BCLAF3: variants seen among roughly 807,000 people sequenced by gnomAD.
BCLAF3 encodes BCLAF1 and THRAP3 family member 3.
A neutral mutation model predicts 51.2 loss-of-function variants in BCLAF3; 24 were observed. The ratio of observed to expected loss-of-function variants is 0.47; its 90% CI spans 0.34 to 0.66. BCLAF3 has a LOEUF of 0.66. Among genes scored for constraint, BCLAF3 ranks in the 30% least tolerant of loss-of-function variants. BCLAF3 has a pLI of 0.01. For synonymous variants in BCLAF3, 152 were observed against 176.6 expected (o/e 0.86, Z 1.10); for missense variants, 465 against 525.1 (o/e 0.89, Z 1.12).
Position 19,966,219 on chromosome X carries a change from A to G in BCLAF3, c.472T>C (p.Ser158Pro). The G allele has an allele frequency of 8.3e-7, 1 of 1,211,019 alleles. No homozygotes were observed. ...SGKGGKPPQR[S>P]IADSFRFEGK... is the part of the protein sequence containing the mutation. The stretch of plus-strand genomic sequence containing the variant: ...TCAAATCTAAAAGAATCTGCTATTG[A>G]CCTCTGAGGTGGTTTCCCTCCTTTT... The change falls in exon 3 of 12, where the codon TCA becomes CCA. Residue 158 changes from serine to proline, a missense_variant. Transcript: ENST00000379682.
chrX:19,919,840 G>C (rs975866513), intron 11 of BCLAF3, among the ~76,000 whole-genome samples: 1 of 90,698 alleles, frequency 1.1e-5, no homozygotes, highest in African/African-American at 4.2e-5. Flanking sequence ...CTGGATGACA[G>C]AGTGAGACTT....
intron 10 of BCLAF3, among the ~76,000 whole-genome samples, chrX:19,931,740 A>G (rs930642611): frequency 1.8e-5 from 2 of 112,247 alleles, no homozygotes; most frequent in Non-Finnish European, 3.8e-5. Context: ...AACAAAATTC[A>G]TACCTAACAT....
chrX:19,948,920 A>G (rs1292792775), intron 8 of BCLAF3, among the ~76,000 whole-genome samples: 2 of 111,019 alleles, frequency 1.8e-5, no homozygotes, highest in Middle Eastern at 4.2e-3. Flanking sequence ...TAGAGGGTTT[A>G]CTTCTGGGGT....
intron 11 of BCLAF3, among the ~76,000 whole-genome samples, chrX:19,924,644 A>G (rs1168273239): frequency 1.8e-5 from 2 of 110,923 alleles, no homozygotes; most frequent in Admixed American, 9.6e-5. Context: ...TTCCTTTCCT[A>G]TCCCTGGACA....
At position 19,914,535 on chromosome X, in the gene BCLAF3, A is replaced by G. The variant is rs1480534782; in HGVS notation, c.*2770T>C. On this transcript the variant is annotated 3_prime_UTR_variant, in exon 12 of 12. Coordinates refer to ENST00000379682, the MANE Select transcript of BCLAF3 (RefSeq NM_001367774.2). ...AAAAAAAACTATTCAAAAATGTAGG[A>G]TTTATTAGGTAAAATGTGGTACATA... The G allele has an allele frequency of 9.0e-6, 1 of 110,713 alleles. No individual in the cohort carries two copies. Among genetic ancestry groups the G allele is most frequent in the African/African-American group, 3.3e-5 (1 of 30,465 alleles). The allele number at this position is 110,713 out of a possible 1,213,427, so 9.1% of individuals were successfully genotyped here.
Position 19,955,535 on chromosome X carries a change from T to A in BCLAF3, c.1306A>T (p.Met436Leu). The change falls in exon 5 of 12, where the codon ATG becomes TTG. Residue 436 changes from methionine to leucine, a missense_variant. Physicochemically the swap from Met to Leu is conservative, Grantham distance 15. Transcript: ENST00000379682. ...VASSYSTERQ[M>L]SHDLVAVGRK... ...CCAACAGCAACCAAATCATGTGACA[T>A]CTGTCTCTCTGTGGAATAGCTAGAA... 8.3e-7 allele frequency: 1 copy of A among 1,199,140 alleles called. No homozygotes were observed.
chrX:19,919,768 A>G (rs776590875), intron 11 of BCLAF3, among the ~76,000 whole-genome samples: 21 of 106,182 alleles, frequency 2.0e-4, no homozygotes, highest in Non-Finnish European at 3.5e-4. Flanking sequence ...AAGACAGGAG[A>G]ATCGCTTGAG....
Position 19,949,657 on chromosome X carries a change from G to A in BCLAF3, c.1745+1096C>T, listed in dbSNP as rs951058909. Among the ~76,000 whole-genome samples the A allele has an allele frequency of 8.9e-5, 10 of 111,847 alleles. No individual in the cohort carries two copies. The East Asian group carries it at 1.4e-3, about 16-fold the overall frequency. On this transcript the variant is annotated intron_variant, in intron 8 of 11. Transcript: ENST00000379682. ...ATTGTTTTATATACCTCAACACATCGTTTCACTATGTTTTAATTAGTTCTG... is the reference window on the plus strand; with the variant it reads ...ATTGTTTTATATACCTCAACACATCATTTCACTATGTTTTAATTAGTTCTG...
intron 11 of BCLAF3, among the ~76,000 whole-genome samples, chrX:19,926,112 A>T (rs899742404): frequency 8.9e-6 from 1 of 111,780 alleles, no homozygotes; most frequent in Admixed American, 9.6e-5. Flanking sequence ...AAGTGGCTGC[A>T]ATAGAAAGAT....
intron 3 of BCLAF3, 119 bp downstream of exon 3, chrX:19,965,961 A>G: frequency 2.8e-6 from 2 of 710,165 alleles, no homozygotes; most frequent in East Asian, 3.2e-5. Flanking sequence ...TTAAATTACA[A>G]TGCTTTTTGT....
In BCLAF3 at chrX:19,914,853, G is replaced by A. The variant is rs1342515194; in HGVS notation, c.*2452C>T. On this transcript the variant is annotated 3_prime_UTR_variant, in exon 12 of 12. Coordinates refer to ENST00000379682, the MANE Select transcript of BCLAF3 (RefSeq NM_001367774.2). ...CCTTCTGAGGTTGGTGAAACCAATAGGAAAGAAACATGACGAGGGGATGCT... is the reference window on the plus strand; with the variant it reads ...CCTTCTGAGGTTGGTGAAACCAATAAGAAAGAAACATGACGAGGGGATGCT... 4 of 111,966 alleles carry A rather than the reference G, an allele frequency of 3.6e-5. No individual in the cohort carries two copies. Among genetic ancestry groups the A allele is most frequent in the South Asian group, 3.7e-4 (1 of 2,712 alleles). 9.2% of individuals were successfully genotyped at this position (111,966 alleles called of 1,213,427 possible). A position where few individuals can be genotyped will look rare whatever the true frequency, so the allele number is the denominator to read the frequency against.
intron 1 of BCLAF3, among the ~76,000 whole-genome samples, chrX:19,982,585 G>A (rs867125199): frequency 6.6e-4 from 52 of 79,272 alleles, no homozygotes; most frequent in Admixed American, 2.6e-3. Context: ...ACACACACAC[G>A]CACACACACA....
chrX:19,964,188 C>G (rs752975414), intron 4 of BCLAF3, among the ~76,000 whole-genome samples: 1 of 111,510 alleles, frequency 9.0e-6, no homozygotes, highest in East Asian at 2.8e-4. Context: ...CATGGCCCCC[C>G]CCTTTTTCAT....
Position 19,913,869 on chromosome X carries a change from A to C in BCLAF3, c.*3436T>G, listed in dbSNP as rs1183920073. On this transcript the variant is annotated 3_prime_UTR_variant, in exon 12 of 12. Transcript: ENST00000379682. ...TGTCTGAATTTGTCAATGTACATTA[A>C]TTTTTCTTTGTCAAGATTTATAACA... is the stretch of plus-strand genomic sequence containing the variant. The C allele has an allele frequency of 9.0e-6, 1 of 111,695 alleles. No individual in the cohort carries two copies. The highest frequency in any genetic ancestry group is 1.9e-5 in the Non-Finnish European group (1 of 53,117). The allele number at this position is 111,695 out of a possible 1,213,427, so 9.2% of individuals were successfully genotyped here. A position where few individuals can be genotyped will look rare whatever the true frequency, so the allele number is the denominator to read the frequency against.
In BCLAF3 at chrX:19,966,464, T is replaced by C. The variant is rs375368833; in HGVS notation, c.227A>G (p.His76Arg). Residue 76 changes from histidine to arginine, a missense_variant, in exon 3 of 12, where the codon CAT (histidine) becomes CGT (arginine). His to Arg is a conservative substitution (Grantham distance 29). Coordinates refer to ENST00000379682, the MANE Select transcript of BCLAF3 (RefSeq NM_001367774.2). ...TCTTATGTTAGGGGAAGGTGATCTA[T>C]GTTCATAAGACTGGTAATATATATT... ...RGNIYYQSYE[H>R]RSPSPNIRNS... 8 of 1,209,689 alleles carry C rather than the reference T, an allele frequency of 6.6e-6. No homozygotes were observed. The highest frequency in any genetic ancestry group is 8.9e-6 in the Non-Finnish European group (8 of 895,063).
intron 8 of BCLAF3, among the ~76,000 whole-genome samples, chrX:19,941,394 T>C (rs2071038167): frequency 9.8e-6 from 1 of 102,267 alleles, no homozygotes; most frequent in Non-Finnish European, 1.9e-5. Flanking sequence ...CTAGGGTTTT[T>C]ATGGTTTTAG....
intron 8 of BCLAF3, among the ~76,000 whole-genome samples, chrX:19,946,793 C>A (rs189268411): frequency 2.7e-5 from 3 of 111,816 alleles, no homozygotes; most frequent in African/African-American, 9.8e-5. Context: ...TGTTCCCTCT[C>A]TTGAAATACT....
At chrX:19,947,737 A>C (rs1300948930) in intron 8 of BCLAF3, among the ~76,000 whole-genome samples, 1 of 111,980 alleles carries the variant, frequency 8.9e-6, no homozygotes, top group East Asian at 2.8e-4. Flanking sequence ...CTCTTCATTC[A>C]TTCAACAAAT....
At chrX:19,956,090 C>T (rs898464978) in intron 4 of BCLAF3, among the ~76,000 whole-genome samples, 1 of 111,820 alleles carries the variant, frequency 8.9e-6, no homozygotes, top group Non-Finnish European at 1.9e-5. Context: ...AACTTAATTA[C>T]AAAGTCTCAC....
Sources: allele counts gnomAD v4.1 joint callset (sites outside exome capture counted in the v4.1 genomes callset), GRCh38; gene constraint gnomAD v4.1.1; transcripts MANE v1.5; gene names NCBI Gene and HGNC (gene_info 2026-07-23, HGNC 2026-07-21).